The following ZNF790 variants were observed in gnomAD, a reference collection of about 807,000 sequenced individuals.
ZNF790 encodes the protein zinc finger protein 790.
A neutral mutation model predicts 12.1 loss-of-function variants in ZNF790; 8 were observed. That is an observed-to-expected ratio of 0.66 (90% CI 0.39 to 1.19). The LOEUF is 1.19. Ranked by LOEUF, ZNF790 falls within the 50% of genes most tolerant of loss-of-function variation. The pLI is 0.01. For synonymous variants in ZNF790, 252 were observed against 244.3 expected (o/e 1.03, Z -0.29); for missense variants, 707 against 752.2 (o/e 0.94, Z 0.70).
chr19:36,822,828 C>T (rs527365714), intron 4 of ZNF790, among the ~76,000 whole-genome samples: 32 of 152,076 alleles, frequency 2.1e-4, no homozygotes, highest in Non-Finnish European at 4.6e-4. Flanking sequence ...GCGTGAGCCA[C>T]GGCACCCAGC....
At chr19:36,834,399 A>G (rs2072003154) in intron 1 of ZNF790, among the ~76,000 whole-genome samples, 1 of 152,226 alleles carries the variant, frequency 6.6e-6, no homozygotes, top group African/African-American at 2.4e-5. Context: ...CCCAACAGCT[A>G]GGCTAAGAAC....
chr19:36,838,403 G>T (rs1148399), upstream of ZNF790: 117,798 of 152,234 alleles, frequency 0.77, 46,291 homozygotes, highest in African/African-American at 0.86. The surrounding 1 kb of genome is among the most constrained non-coding windows in gnomAD (Gnocchi z 4.4). Flanking sequence ...AGGGACAGAG[G>T]GCTGACAGGA....
chr19:36,826,251 T>C (rs1004925109), intron 1 of ZNF790, among the ~76,000 whole-genome samples: 3 of 151,972 alleles, frequency 2.0e-5, no homozygotes, highest in Non-Finnish European at 2.9e-5. Flanking sequence ...GAAGGCTGGA[T>C]TGGGCGAGTA....
intron 2 of ZNF790, among the ~76,000 whole-genome samples, chr19:36,823,992 CTTTTTT>C (rs779735213): frequency 2.9e-5 from 3 of 104,378 alleles, no homozygotes; most frequent in Admixed American, 1.1e-4. Context: ...TCTACATGCT[CTTTTTT>C]TTTTTTTTTT....
intron 1 of ZNF790, among the ~76,000 whole-genome samples, chr19:36,832,512 A>AG (rs2071962584): frequency 6.6e-6 from 1 of 152,170 alleles, no homozygotes; most frequent in Non-Finnish European, 1.5e-5. Context: ...AACCCCATGG[A>AG]GAGGTCTACA....
intron 1 of ZNF790, among the ~76,000 whole-genome samples, chr19:36,829,338 G>A (rs1249548163): frequency 1.3e-5 from 2 of 152,122 alleles, no homozygotes; most frequent in African/African-American, 4.8e-5. Flanking sequence ...TCTACTTTCT[G>A]ACTCTATGGA....
At chr19:36,836,581 A>G (rs925164262) in intron 1 of ZNF790, among the ~76,000 whole-genome samples, 4 of 152,124 alleles carry the variant, frequency 2.6e-5, no homozygotes, top group Non-Finnish European at 5.9e-5. Context: ...ACACGGTGAA[A>G]CCCCATCTCT....
chr19:36,819,522 T>C lies in ZNF790; in HGVS notation c.822A>G (p.Arg274=), dbSNP rs2071618944. The change falls in exon 5 of 5, where the codon CGA becomes CGG. Residue 274 remains arginine (R), a synonymous_variant. Transcript: ENST00000356725. Reference sequence around the variant, plus strand: ...CATAAGATTTCTCACCAGTATGAATTCGCTTATGGACACTAAGTTGTGAAT... The same window carrying C: ...CATAAGATTTCTCACCAGTATGAATCCGCTTATGGACACTAAGTTGTGAAT... ...RFHSQLSVHK[R]IHTGEKSYEC... 1.9e-6 allele frequency: 3 copies of C among 1,612,864 alleles called. No individual in the cohort carries two copies. The highest frequency in any genetic ancestry group is 2.5e-6 in the Non-Finnish European group (3 of 1,179,342).
At chr19:36,828,394 C>T (rs181606106) in intron 1 of ZNF790, among the ~76,000 whole-genome samples, 2 of 150,610 alleles carry the variant, frequency 1.3e-5, no homozygotes, top group Admixed American at 6.7e-5. Context: ...ACCTGGGAGG[C>T]GGAGGTTGCG....
chr19:36,829,862 C>T (rs953359042), intron 1 of ZNF790, among the ~76,000 whole-genome samples: 1 of 152,070 alleles, frequency 6.6e-6, no homozygotes, highest in Non-Finnish European at 1.5e-5. Flanking sequence ...CTACCATGCC[C>T]GGCTGACAAT....
chr19:36,825,855 C>A (rs561739161), intron 1 of ZNF790, among the ~76,000 whole-genome samples, 163 bp from the exon 2 acceptor site: 1 of 152,102 alleles, frequency 6.6e-6, no homozygotes, highest in Non-Finnish European at 1.5e-5. Flanking sequence ...AAGTTTCAGT[C>A]GAATCACTTA....
chr19:36,820,044 T>A lies in ZNF790; in HGVS notation c.300A>T (p.Gln100His), dbSNP rs1372237227. 1 of 1,612,742 alleles carries A rather than the reference T, an allele frequency of 6.2e-7. No individual in the cohort carries two copies. The highest frequency in any genetic ancestry group is 1.1e-5 in the South Asian group (1 of 91,080). ...TTTTACAAATTCTCATTATTTCCAATTGGGCTATTTCTCTCTCAAAAATGC... is the reference window on the plus strand; with the variant it reads ...TTTTACAAATTCTCATTATTTCCAAATGGGCTATTTCTCTCTCAAAAATGC... ...KNGIFEREIAQLEIMRICKNH... is the reference protein window; with the variant it reads ...KNGIFEREIAHLEIMRICKNH... The change falls in exon 5 of 5, where the codon CAA becomes CAT. Residue 100 changes from glutamine (Q) to histidine (H), a missense_variant. Physicochemically the swap from Gln to His is conservative, Grantham distance 24 (BLOSUM62 0). Transcript: ENST00000356725.
At chr19:36,832,362 A>G (rs908732918) in intron 1 of ZNF790, among the ~76,000 whole-genome samples, 12 of 152,216 alleles carry the variant, frequency 7.9e-5, no homozygotes, top group Admixed American at 2.6e-4. Flanking sequence ...GAATAGGATT[A>G]ACTTGTATAG....
chr19:36,844,560 G>A (rs1242495907), intron 1 of ZNF790, among the ~76,000 whole-genome samples: 6 of 151,994 alleles, frequency 3.9e-5, no homozygotes, highest in African/African-American at 1.4e-4. Context: ...CCTATTTGAA[G>A]AGACAATGGC....
intron 4 of ZNF790, 125 bp downstream of exon 4, chr19:36,823,160 C>T (rs992007325): frequency 1.3e-6 from 1 of 773,080 alleles, no homozygotes; most frequent in Non-Finnish European, 2.1e-6. Flanking sequence ...CCACCACACC[C>T]GGCCCATTTT....
chr19:36,845,702 G>A (rs2072173792), intron 1 of ZNF790, among the ~76,000 whole-genome samples: 1 of 151,960 alleles, frequency 6.6e-6, no homozygotes, highest in South Asian at 2.1e-4. Flanking sequence ...TTAAAAACAT[G>A]TACAACAAAT....
In ZNF790 at chr19:36,819,035, G is replaced by A. The variant is rs1202850834; in HGVS notation, c.1309C>T (p.Leu437Phe). The change falls in exon 5 of 5, where the codon CTT becomes TTT. Residue 437 changes from leucine to phenylalanine, a missense_variant. Transcript: ENST00000356725. ...CGKTFTWASY[L>F]AQHEKIHNER... ...TTGTGAATTTTCTCATGTTGAGCAA[G>A]ATACGAAGCCCAAGTAAAAGTCTTC... 16 of 1,613,980 alleles carry A rather than the reference G, an allele frequency of 9.9e-6. No homozygotes were observed. The highest frequency in any genetic ancestry group is 1.4e-5 in the Non-Finnish European group (16 of 1,180,040).
Position 36,819,757 on chromosome 19 carries a change from T to G in ZNF790, c.587A>C (p.Lys196Thr). The G allele has an allele frequency of 6.2e-7, 1 of 1,613,372 alleles. No homozygotes were observed. The highest frequency in any genetic ancestry group is 8.5e-7 in the Non-Finnish European group (1 of 1,179,704). The change falls in exon 5 of 5, where the codon AAA (lysine) becomes ACA (threonine). Residue 196 changes from lysine (K) to threonine (T), a missense_variant. By Grantham distance (78) the Lys-to-Thr change is moderately conservative. Coordinates refer to ENST00000356725, the MANE Select transcript of ZNF790 (RefSeq NM_206894.4). The stretch of plus-strand genomic sequence containing the variant: ...CCCACATTCTTTATCTCCACAGAAT[T>G]TCTCACTTGTGTGAATTAACTGATG... ...TQHQLIHTSE[K>T]FCGDKECGNT... is the part of the protein sequence containing the mutation.
chr19:36,842,321 G>A (rs11883155), upstream of ZNF790, among the ~76,000 whole-genome samples: 1,957 of 151,964 alleles, frequency 0.013, 36 homozygotes, highest in African/African-American at 0.043. Context: ...GGGCATAAAC[G>A]GAAATAAAAA....
Sources: gnomAD v4.1 joint callset for allele counts (sites outside exome capture counted in the v4.1 genomes callset) on GRCh38, gnomAD v4.1.1 for gene constraint, Gnocchi (gnomAD v3.1) non-coding constraint, MANE v1.5 for transcripts, NCBI Gene and HGNC (gene_info 2026-07-23, HGNC 2026-07-21) for gene names.